NTRK3: variants seen among roughly 807,000 people sequenced by gnomAD.
NTRK3 encodes NT-3 growth factor receptor.
NTRK3 carries 24 observed loss-of-function variants against 91.7 expected under a neutral mutation model. The ratio of observed to expected loss-of-function variants is 0.26; its 90% CI spans 0.19 to 0.37. NTRK3 has a LOEUF of 0.37. NTRK3 is among the 10% of genes least tolerant of loss of function. The pLI is 1.00. For missense variants in NTRK3, 880 were observed against 1,068.9 expected, an observed-to-expected ratio of 0.82 and a Z score of 2.46; for synonymous variants, 483 against 404.0, an observed-to-expected ratio of 1.20 and a Z score of -2.34.
intron 14 of NTRK3, among the ~76,000 whole-genome samples, chr15:88,010,843 C>T (rs1012232815): frequency 6.6e-6 from 1 of 151,994 alleles, no homozygotes; most frequent in Non-Finnish European, 1.5e-5. Context: ...GACACATCTC[C>T]GTGTGCCTAA....
chr15:88,042,514 C>G (rs532998616), intron 13 of NTRK3, among the ~76,000 whole-genome samples: 1 of 152,346 alleles, frequency 6.6e-6, no homozygotes, highest in East Asian at 1.9e-4. Flanking sequence ...GCCCTCCGCA[C>G]TTCTCCGCTC....
chr15:88,156,952 A>C (rs2043960197), intron 5 of NTRK3, among the ~76,000 whole-genome samples: 1 of 152,100 alleles, frequency 6.6e-6, no homozygotes, highest in Admixed American at 6.5e-5. Flanking sequence ...GGAAGGAAGC[A>C]TTTCTTTCTA....
intron 13 of NTRK3, among the ~76,000 whole-genome samples, chr15:88,059,012 C>G (rs899119792): frequency 6.6e-6 from 1 of 151,990 alleles, no homozygotes; most frequent in Admixed American, 6.6e-5. Context: ...GGAAAGCCCA[C>G]AGAAGGTGCA....
chr15:88,130,890 T>G (rs1331688542), intron 10 of NTRK3, among the ~76,000 whole-genome samples: 1 of 151,046 alleles, frequency 6.6e-6, no homozygotes, highest in East Asian at 1.9e-4. Flanking sequence ...ATAATAGTGA[T>G]GGACCAATGT....
At chr15:88,161,756 C>T (rs1040664966) in intron 5 of NTRK3, among the ~76,000 whole-genome samples, 1 of 152,182 alleles carries the variant, frequency 6.6e-6, no homozygotes, top group African/African-American at 2.4e-5. Context: ...CCTAGAGCCC[C>T]TCTCCAGGAG....
At chr15:87,952,357 C>T (rs1199597248) in intron 14 of NTRK3, among the ~76,000 whole-genome samples, 1 of 152,226 alleles carries the variant, frequency 6.6e-6, no homozygotes, top group Non-Finnish European at 1.5e-5. Flanking sequence ...TCCTAGGACA[C>T]ACACGTGCCC....
intron 3 of NTRK3, among the ~76,000 whole-genome samples, chr15:88,205,194 T>G (rs1470553476): frequency 6.6e-6 from 1 of 152,160 alleles, no homozygotes; most frequent in African/African-American, 2.4e-5. Context: ...GGATCTGGAT[T>G]CAGGGTTTAA....
chr15:87,985,734 C>CA (rs945561819), intron 14 of NTRK3, among the ~76,000 whole-genome samples: 2 of 152,142 alleles, frequency 1.3e-5, no homozygotes, highest in African/African-American at 4.8e-5. Context: ...AGGGGGAGGA[C>CA]ATCCATGCCT....
chr15:87,947,462 T>A (rs1207360053), intron 14 of NTRK3, among the ~76,000 whole-genome samples: 1 of 152,090 alleles, frequency 6.6e-6, no homozygotes, highest in Non-Finnish European at 1.5e-5. Flanking sequence ...GTGTGTCACT[T>A]TATCCTGGAA....
In NTRK3 at chr15:88,212,620, C is replaced by T. The variant is rs567354337; in HGVS notation, c.249-28321G>A. ...GTAACTGAGACTTGCACTTGGCTGA[C>T]CTCTGACCCTCCCTTCTCCCAGCTC... On this transcript the variant is annotated intron_variant, in intron 3 of 18. Coordinates refer to ENST00000394480, the Ensembl canonical transcript of NTRK3. Among the ~76,000 whole-genome samples the T allele has an allele frequency of 3.3e-5, 5 of 152,096 alleles. No homozygotes were observed. The East Asian group carries it at 9.7e-4, about 29-fold the overall frequency.
chr15:87,882,049 C>A (rs1392949444), intron 17 of NTRK3, among the ~76,000 whole-genome samples: 1 of 152,028 alleles, frequency 6.6e-6, no homozygotes, highest in Non-Finnish European at 1.5e-5. Flanking sequence ...GCATGAAACA[C>A]CATGCCTGGC....
chr15:87,952,835 C>A (rs961207310), intron 14 of NTRK3, among the ~76,000 whole-genome samples: 1 of 152,084 alleles, frequency 6.6e-6, no homozygotes, highest in African/African-American at 2.4e-5. Context: ...GCCAGGCACC[C>A]CCGCCTTTCC....
chr15:88,033,187 T>C lies in NTRK3; in HGVS notation c.1397-142A>G, dbSNP rs1439293562. 24 of 95,164 alleles carry C rather than the reference T, an allele frequency of 2.5e-4. 5 individuals carry two copies. The South Asian group carries it at 3.8e-3, about 15-fold the overall frequency. The allele number at this position is 95,164 out of a possible 1,614,324, so 5.9% of individuals were successfully genotyped here. Reference sequence around the variant, plus strand: ...TTTTGGGGGGTGTGTTATATATATATATATATATATATATATATATATATA... The same window carrying C: ...TTTTGGGGGGTGTGTTATATATATACATATATATATATATATATATATATA... On this transcript the variant is annotated intron_variant, in intron 13 of 18. Coordinates refer to ENST00000394480, the Ensembl canonical transcript of NTRK3.
intron 13 of NTRK3, among the ~76,000 whole-genome samples, chr15:88,099,603 A>G (rs1389964281): frequency 6.6e-6 from 1 of 152,222 alleles, no homozygotes; most frequent in Non-Finnish European, 1.5e-5. Context: ...CAGTAGGAAC[A>G]TGGCATCGGG....
chr15:88,103,316 C>G (rs188115841), intron 13 of NTRK3, among the ~76,000 whole-genome samples: 13 of 152,212 alleles, frequency 8.5e-5, no homozygotes, highest in African/African-American at 3.1e-4. Context: ...GAGAAGAAAT[C>G]CTGCCTCAAG....
At chr15:88,216,661 A>C (rs1315535840) in intron 3 of NTRK3, among the ~76,000 whole-genome samples, 2 of 152,196 alleles carry the variant, frequency 1.3e-5, no homozygotes, top group Admixed American at 1.3e-4. Context: ...ACAGGCCTCC[A>C]TGAGGCACAT....
chr15:88,194,253 G>A (rs2047639044), intron 3 of NTRK3, among the ~76,000 whole-genome samples: 1 of 152,190 alleles, frequency 6.6e-6, no homozygotes, highest in African/African-American at 2.4e-5. Flanking sequence ...GAGTCTCCCA[G>A]GGAGCCTGGG....
At chr15:87,902,087 T>C (rs2066491724) in intron 17 of NTRK3, among the ~76,000 whole-genome samples, 1 of 152,212 alleles carries the variant, frequency 6.6e-6, no homozygotes, top group African/African-American at 2.4e-5. Context: ...TTCAGAAATA[T>C]CTAAATCAGC....
intron 3 of NTRK3, among the ~76,000 whole-genome samples, chr15:88,222,813 C>T (rs1266003357): frequency 1.3e-5 from 2 of 152,108 alleles, no homozygotes; most frequent in African/African-American, 2.4e-5. Context: ...CCCTAGGAGG[C>T]AAGTACCATT....
Sources: gnomAD v4.1 joint callset for allele counts (sites outside exome capture counted in the v4.1 genomes callset) on GRCh38, gnomAD v4.1.1 for gene constraint, MANE v1.5 for transcripts, NCBI Gene and HGNC (gene_info 2026-07-23, HGNC 2026-07-21) for gene names.